TM4SF5: variants seen among roughly 807,000 people sequenced by gnomAD.
The protein encoded by TM4SF5 is transmembrane 4 L six family member 5.
TM4SF5 carries 16 observed loss-of-function variants against 22.3 expected under a neutral mutation model. That is an observed-to-expected ratio of 0.72 (90% confidence interval 0.49 to 1.09). TM4SF5 has a LOEUF of 1.09. TM4SF5 is among the 50% of genes least tolerant of loss of function. The pLI is 0.00. For synonymous variants in TM4SF5, 113 were observed against 109.6 expected, an observed-to-expected ratio of 1.03 and a Z score of -0.19; for missense variants, 249 against 266.1, an observed-to-expected ratio of 0.94 and a Z score of 0.45.
At chr17:4,781,805 G>A (rs372104256) in intron 2 of TM4SF5, among the ~76,000 whole-genome samples, 2 of 151,994 alleles carry the variant, frequency 1.3e-5, no homozygotes, top group African/African-American at 4.8e-5. Flanking sequence ...GTGAGATATC[G>A]TGCCCAGCCT....
At chr17:4,781,417 A>G (rs968632281) in intron 2 of TM4SF5, among the ~76,000 whole-genome samples, 6 of 151,856 alleles carry the variant, frequency 4.0e-5, no homozygotes, top group African/African-American at 1.5e-4. Flanking sequence ...CTGAGGCAGG[A>G]GATTACGGTG....
chr17:4,777,196 C>CA (rs57674866), intron 1 of TM4SF5, among the ~76,000 whole-genome samples: 13,044 of 101,076 alleles, frequency 0.13, 676 homozygotes, highest in African/African-American at 0.16. Flanking sequence ...GACTCCATCT[C>CA]AAAAAAAAAA....
chr17:4,781,557 C>A (rs1371550268), intron 2 of TM4SF5, among the ~76,000 whole-genome samples: 1 of 151,986 alleles, frequency 6.6e-6, no homozygotes, highest in African/African-American at 2.4e-5. Context: ...GGTCTGTCAC[C>A]CAGGCTGGAG....
chr17:4,777,138 A>G (rs1024634878), intron 1 of TM4SF5, among the ~76,000 whole-genome samples: 6 of 151,272 alleles, frequency 4.0e-5, no homozygotes, highest in Non-Finnish European at 8.8e-5. Flanking sequence ...CAGAGGTTAC[A>G]GTGAGCCGAG....
chr17:4,780,039 T>G (rs8068685), intron 1 of TM4SF5, among the ~76,000 whole-genome samples: 9,382 of 151,214 alleles, frequency 0.062, 977 homozygotes, highest in African/African-American at 0.22. Flanking sequence ...AATATTGAGT[T>G]ACTCTGAGCT....
rs775407124 is a variant in TM4SF5 at position 4,780,752 on chromosome 17, G to C, written c.178-37G>C. ...GATGCAAGTCAGGCCTGGAGGATCT[G>C]GGGGGACGTGCTATAACAATGACTC... is the stretch of plus-strand genomic sequence containing the variant. On this transcript the variant is annotated intron_variant, in intron 1 of 4. Coordinates refer to ENST00000270560, the MANE Select transcript of TM4SF5 (RefSeq NM_003963.3). 6.4e-6 allele frequency: 10 copies of C among 1,563,566 alleles called. No homozygotes were observed. The Admixed American group carries it at 1.4e-4, about 22-fold the overall frequency.
At chr17:4,777,210 A>T (rs1308882490) in intron 1 of TM4SF5, among the ~76,000 whole-genome samples, 1 of 151,782 alleles carries the variant, frequency 6.6e-6, no homozygotes, top group Non-Finnish European at 1.5e-5. Context: ...AAAAAAAAAA[A>T]AGAAAAAGAA....
intron 2 of TM4SF5, 32 bp downstream of exon 2, chr17:4,780,901 T>G: frequency 6.3e-7 from 1 of 1,591,418 alleles, no homozygotes; most frequent in Non-Finnish European, 8.6e-7. Context: ...AATTCAGGGC[T>G]GGGGGTGGTG....
At chr17:4,776,923 G>T (rs1917217369) in intron 1 of TM4SF5, among the ~76,000 whole-genome samples, 1 of 152,086 alleles carries the variant, frequency 6.6e-6, no homozygotes, top group Non-Finnish European at 1.5e-5. Context: ...AACTGAGCTG[G>T]GCGTGGGGCC....
intron 1 of TM4SF5, among the ~76,000 whole-genome samples, chr17:4,779,160 A>C (rs893863534): frequency 6.6e-6 from 1 of 152,124 alleles, no homozygotes; most frequent in African/African-American, 2.4e-5. Flanking sequence ...TGTTTAGGCC[A>C]GATGCAGTGA....
intron 1 of TM4SF5, among the ~76,000 whole-genome samples, chr17:4,775,806 C>T (rs149593175): frequency 1.7e-3 from 262 of 152,184 alleles, no homozygotes; most frequent in Non-Finnish European, 2.1e-3. Flanking sequence ...ACCCCATAGA[C>T]GAGTTTGGCT....
At chr17:4,780,600 A>T (rs1355798681) in intron 1 of TM4SF5, among the ~76,000 whole-genome samples, 189 bp from the exon 2 acceptor site, 3 of 152,200 alleles carry the variant, frequency 2.0e-5, no homozygotes, top group African/African-American at 4.8e-5. Context: ...GACAGAGATA[A>T]GGTAGGCACG....
At chr17:4,780,752 G>T in intron 1 of TM4SF5, 37 bp from the exon 2 acceptor site, 1 of 1,563,566 alleles carries the variant, frequency 6.4e-7, no homozygotes, top group Non-Finnish European at 8.7e-7. Flanking sequence ...TGGAGGATCT[G>T]GGGGGACGTG....
chr17:4,776,182 G>C (rs1255612757), intron 1 of TM4SF5, among the ~76,000 whole-genome samples: 1 of 152,220 alleles, frequency 6.6e-6, no homozygotes, highest in African/African-American at 2.4e-5. Flanking sequence ...TATTACGTTT[G>C]TGAGAGCCAC....
chr17:4,775,220 G>T (rs547212372), intron 1 of TM4SF5, among the ~76,000 whole-genome samples: 57 of 151,912 alleles, frequency 3.8e-4, no homozygotes, highest in African/African-American at 1.2e-3. Context: ...GGAGTCATTT[G>T]AATTTTTATT....
chr17:4,776,106 C>T (rs1917200789), intron 1 of TM4SF5, among the ~76,000 whole-genome samples: 1 of 152,130 alleles, frequency 6.6e-6, no homozygotes, highest in Admixed American at 6.6e-5. Context: ...ACCTCGGCCT[C>T]CCCAAGTGCT....
chr17:4,783,186 G>C lies in TM4SF5; in HGVS notation c.*58G>C. The C allele has an allele frequency of 1.1e-6, 1 of 904,716 alleles. No individual in the cohort carries two copies. Among genetic ancestry groups the C allele is most frequent in the Non-Finnish European group, 1.6e-6 (1 of 644,314 alleles). 56.0% of individuals were successfully genotyped at this position (904,716 alleles called of 1,614,324 possible). A position where few individuals can be genotyped will look rare whatever the true frequency, so the allele number is the denominator to read the frequency against. On this transcript the variant is annotated 3_prime_UTR_variant, in exon 5 of 5. Coordinates refer to ENST00000270560, the MANE Select transcript of TM4SF5 (RefSeq NM_003963.3). ...TTCCTGGACGCTCACTCCCTTGCTC[G>C]CTAGAATAAACTGCTTTGCGCTCTC...
intron 1 of TM4SF5, among the ~76,000 whole-genome samples, chr17:4,773,562 G>A (rs1917155688): frequency 6.6e-6 from 1 of 152,000 alleles, no homozygotes; most frequent in African/African-American, 2.4e-5. Flanking sequence ...CCTTTTGCTG[G>A]TCACACCTCG....
At chr17:4,780,968 C>A in intron 2 of TM4SF5, 99 bp downstream of exon 2, 1 of 1,028,166 alleles carries the variant, frequency 9.7e-7, no homozygotes. Context: ...CGGCTTGAGC[C>A]AGGAGTTCTA....
Sources: gnomAD v4.1 joint callset for allele counts (sites outside exome capture counted in the v4.1 genomes callset) on GRCh38, gnomAD v4.1.1 for gene constraint, MANE v1.5 for transcripts, NCBI Gene and HGNC (gene_info 2026-07-23, HGNC 2026-07-21) for gene names.